Variants in RALGAPB observed in about 807,000 individuals in gnomAD.
RALGAPB encodes the protein Ral GTPase activating protein non-catalytic subunit beta.
Under a neutral mutation model 161.1 loss-of-function variants are expected in RALGAPB, and 25 were observed. The ratio of observed to expected loss-of-function variants is 0.16; its 90% CI spans 0.11 to 0.22. RALGAPB has a LOEUF of 0.22. RALGAPB is among the 10% of genes least tolerant of loss of function. RALGAPB has a pLI of 1.00. For missense variants in RALGAPB, 1,391 were observed against 1,815.2 expected (o/e 0.77, Z 4.25); for synonymous variants, 629 against 626.1 (o/e 1.00, Z -0.07).
Position 38,546,440 on chromosome 20 carries a change from T to C in RALGAPB, c.2902+10T>C. 1 of 1,613,928 alleles carries C rather than the reference T, an allele frequency of 6.2e-7. No individual in the cohort carries two copies. The highest frequency in any genetic ancestry group is 2.2e-5 in the East Asian group (1 of 44,866). On this transcript the variant is annotated intron_variant, in intron 19 of 29. Transcript: ENST00000262879. ...CTTGGAAATGAGCAGAGTAAGTTTA[T>C]AGTACTTTGAGCCTTCTCTACTGCT...
chr20:38,564,815 G>A (rs1036120000), intron 24 of RALGAPB, among the ~76,000 whole-genome samples: 1 of 151,376 alleles, frequency 6.6e-6, no homozygotes. Flanking sequence ...CAGAGATAAC[G>A]CACATGTGCA....
At chr20:38,570,721 T>G in intron 27 of RALGAPB, 48 bp from the exon 28 acceptor site, 2 of 1,215,848 alleles carry the variant, frequency 1.6e-6, no homozygotes, top group Non-Finnish European at 2.4e-6. Flanking sequence ...ATTATCTGTT[T>G]GGGAAAATGA....
intron 2 of RALGAPB, among the ~76,000 whole-genome samples, chr20:38,492,479 T>C (rs1445279445): frequency 6.6e-6 from 1 of 152,184 alleles, no homozygotes; most frequent in Admixed American, 6.5e-5. Context: ...CAGTTGATCT[T>C]TCTTCCTGTT....
chr20:38,575,010 A>G lies in RALGAPB; in HGVS notation c.*43A>G, dbSNP rs1479239494. 18 of 1,473,938 alleles carry G rather than the reference A, an allele frequency of 1.2e-5. No homozygotes were observed. Among genetic ancestry groups the G allele is most frequent in the South Asian group, 2.3e-5 (2 of 88,042 alleles). The allele number at this position is 1,473,938 out of a possible 1,614,324, so 91.3% of individuals were successfully genotyped here. A position where few individuals can be genotyped will look rare whatever the true frequency, so the allele number is the denominator to read the frequency against. The stretch of plus-strand genomic sequence containing the variant: ...ACTGTTGAACTCCAGTTTGGGAACT[A>G]TAACACAGCAGAACAGTTTGATAGG... On this transcript the variant is annotated 3_prime_UTR_variant, in exon 30 of 30. Transcript: ENST00000262879.
chr20:38,566,422 T>C (rs1280252080), intron 25 of RALGAPB, among the ~76,000 whole-genome samples: 1 of 152,220 alleles, frequency 6.6e-6, no homozygotes, highest in African/African-American at 2.4e-5. Flanking sequence ...CCCAGCCTGT[T>C]AGTACCAGAC....
At chr20:38,487,380 A>G (rs1390184499) in intron 1 of RALGAPB, among the ~76,000 whole-genome samples, 1 of 152,216 alleles carries the variant, frequency 6.6e-6, no homozygotes, top group African/African-American at 2.4e-5. Flanking sequence ...CTGAAGAATA[A>G]ATGTCTAGAG....
intron 2 of RALGAPB, 147 bp from the exon 3 acceptor site, chr20:38,492,783 A>G (rs2085315832): frequency 3.3e-6 from 2 of 611,356 alleles, no homozygotes; most frequent in Non-Finnish European, 5.6e-6. Context: ...TGAAAAATGC[A>G]TTATCTAAAA....
intron 6 of RALGAPB, among the ~76,000 whole-genome samples, chr20:38,515,427 G>T (rs1187012320): frequency 6.6e-6 from 1 of 152,108 alleles, no homozygotes; most frequent in Admixed American, 6.5e-5. Context: ...ACTTTGAATT[G>T]GAGAGGCTTT....
intron 13 of RALGAPB, among the ~76,000 whole-genome samples, chr20:38,529,140 C>G (rs2086569034): frequency 6.6e-6 from 1 of 152,170 alleles, no homozygotes; most frequent in Admixed American, 6.5e-5. Context: ...TACTGATAGC[C>G]TACTGTTGAC....
intron 5 of RALGAPB, among the ~76,000 whole-genome samples, chr20:38,507,932 T>C (rs937824472): frequency 1.3e-5 from 2 of 152,028 alleles, no homozygotes; most frequent in East Asian, 1.9e-4. Context: ...TAGAGAATAA[T>C]TGAGTTAAAG....
chr20:38,564,316 G>A (rs1413812435), intron 24 of RALGAPB, among the ~76,000 whole-genome samples: 1 of 152,124 alleles, frequency 6.6e-6, no homozygotes, highest in African/African-American at 2.4e-5. Flanking sequence ...TGACAGAATC[G>A]AGTAGTTGTG....
chr20:38,553,972 C>G lies in RALGAPB; in HGVS notation c.3268C>G (p.Pro1090Ala), dbSNP rs2087485464. ...SEEELQKRSF[P>A]DPVTDCKPPP... is the part of the protein sequence containing the mutation. ...GGAGGAATTGCAGAAGAGAAGTTTT[C>G]CTGACCCAGTTACGGATTGCAAGCC... The change falls in exon 22 of 30, where the codon CCT becomes GCT. Residue 1090 changes from proline (P) to alanine (A), a missense_variant. Transcript: ENST00000262879. 2 of 1,613,380 alleles carry G rather than the reference C, an allele frequency of 1.2e-6. No individual in the cohort carries two copies. The highest frequency in any genetic ancestry group is 1.7e-6 in the Non-Finnish European group (2 of 1,179,538).
At chr20:38,484,691 A>G (rs971664896) in intron 1 of RALGAPB, among the ~76,000 whole-genome samples, 1 of 152,116 alleles carries the variant, frequency 6.6e-6, no homozygotes, top group Non-Finnish European at 1.5e-5. Flanking sequence ...GACAGCTAGA[A>G]CTGTGTAATA....
chr20:38,529,300 G>A (rs919526328), intron 13 of RALGAPB, among the ~76,000 whole-genome samples: 2 of 152,226 alleles, frequency 1.3e-5, no homozygotes, highest in Middle Eastern at 3.4e-3. Flanking sequence ...TTGGGAAGCT[G>A]AGGTGGGTGA....
rs891046048 is a variant in RALGAPB, at chr20:38,576,562, G to A, written c.*1595G>A. On this transcript the variant is annotated 3_prime_UTR_variant, in exon 30 of 30. Coordinates refer to ENST00000262879, the MANE Select transcript of RALGAPB (RefSeq NM_020336.4). ...GGTAAAGATAACCTCCTCTTTCTATGACTCCAGTTTCCATTCAGGTTATAG... is the reference window on the plus strand; with the variant it reads ...GGTAAAGATAACCTCCTCTTTCTATAACTCCAGTTTCCATTCAGGTTATAG... The A allele has an allele frequency of 3.3e-5, 5 of 152,160 alleles. No individual in the cohort carries two copies. Among genetic ancestry groups the A allele is most frequent in the Admixed American group, 1.3e-4 (2 of 15,272 alleles). The allele number at this position is 152,160 out of a possible 1,614,324, so 9.4% of individuals were successfully genotyped here.
intron 6 of RALGAPB, among the ~76,000 whole-genome samples, chr20:38,510,933 CT>C (rs2085928590): frequency 6.6e-6 from 1 of 150,876 alleles, no homozygotes; most frequent in Non-Finnish European, 1.5e-5. Flanking sequence ...AAAAGAAAAT[CT>C]TTTATAAAGT....
At chr20:38,534,923 C>T in intron 15 of RALGAPB, 151 bp from the exon 16 acceptor site, 1 of 925,464 alleles carries the variant, frequency 1.1e-6, no homozygotes, top group East Asian at 2.4e-5. Flanking sequence ...TGGCACTCAA[C>T]CCAGTGGGGT....
chr20:38,567,575 A>T (rs1018337158), intron 26 of RALGAPB, among the ~76,000 whole-genome samples: 16 of 152,196 alleles, frequency 1.1e-4, no homozygotes, highest in African/African-American at 3.6e-4. Flanking sequence ...TAATCTTGCA[A>T]TGTTCATCTT....
rs565297330 is a variant in RALGAPB at position 38,539,124 on chromosome 20, A to C, written c.2380-652A>C. ...TGAAAATAACTATGCTGAGTGAAAG[A>C]AACCAGACCAAAAAAAGTACATATT... On this transcript the variant is annotated intron_variant, in intron 16 of 29. Transcript: ENST00000262879. Among the ~76,000 whole-genome samples the C allele has an allele frequency of 3.9e-5, 6 of 152,356 alleles. No individual in the cohort carries two copies. In the East Asian group the frequency reaches 9.6e-4, roughly 24 times the overall value.
Sources: allele counts gnomAD v4.1 joint callset (sites outside exome capture counted in the v4.1 genomes callset), GRCh38; gene constraint gnomAD v4.1.1; transcripts MANE v1.5; gene names NCBI Gene and HGNC (gene_info 2026-07-23, HGNC 2026-07-21).